Variants in RNF40 observed in about 807,000 individuals in gnomAD.
RNF40 encodes the protein E3 ubiquitin-protein ligase BRE1B.
In RNF40, 39 loss-of-function variants were observed where a neutral mutation model predicts 123.3. The ratio of observed to expected loss-of-function variants is 0.32; its 90% confidence interval spans 0.24 to 0.41. RNF40 has a LOEUF of 0.41. RNF40 is among the 10% of genes least tolerant of loss of function. RNF40 has a pLI of 1.00. For missense variants in RNF40, 1,003 were observed against 1,319.9 expected, an observed-to-expected ratio of 0.76 and a Z score of 3.72; for synonymous variants, 538 against 526.0, an observed-to-expected ratio of 1.02 and a Z score of -0.31.
chr16:30,768,979 A>G lies in RNF40; in HGVS notation c.2239A>G (p.Thr747Ala), dbSNP rs1355641065. The G allele has an allele frequency of 4.3e-6, 7 of 1,613,776 alleles. No individual in the cohort carries two copies. Among genetic ancestry groups the G allele is most frequent in the Non-Finnish European group, 5.9e-6 (7 of 1,180,016 alleles). Residue 747 changes from threonine (T) to alanine (A), a missense_variant, in exon 15 of 20, where the codon ACC (threonine) becomes GCC (alanine). Physicochemically the swap from Thr to Ala is moderately conservative, Grantham distance 58. Coordinates refer to ENST00000324685, the MANE Select transcript of RNF40 (RefSeq NM_014771.4). The surrounding 1 kb of genome is among the most constrained non-coding windows in gnomAD (Gnocchi z 4.1). ...ACACCTGCAGCGCAAGCTGGGTGCCACCAAGCAGGTGCGGCCCATGTGGTG... is the reference window on the plus strand; with the variant it reads ...ACACCTGCAGCGCAAGCTGGGTGCCGCCAAGCAGGTGCGGCCCATGTGGTG... ...IEHLQRKLGA[T>A]KQEEEALLSE...
At chr16:30,769,835 C>T (rs2054115019) in intron 17 of RNF40, among the ~76,000 whole-genome samples, 5 of 152,162 alleles carry the variant, frequency 3.3e-5, no homozygotes, top group South Asian at 4.1e-4. Context: ...TGGTGGCTCA[C>T]GTCTGTGATC....
chr16:30,764,188 T>C lies in RNF40; in HGVS notation c.452T>C (p.Leu151Pro), dbSNP rs2053982479. ...TGTCCATTCCTTCCAGACCCCTTGC[T>C]GATGCAGCTGCGGCCCCCTCTCAGT... is the stretch of plus-strand genomic sequence containing the variant. ...PGTSELRDPL[L>P]MQLRPPLSEP... Residue 151 changes from leucine to proline, a missense_variant, in exon 5 of 20, where the codon CTG (leucine) becomes CCG (proline). Physicochemically the swap from Leu to Pro is moderately conservative, Grantham distance 98 (BLOSUM62 -3). Coordinates refer to ENST00000324685, the MANE Select transcript of RNF40 (RefSeq NM_014771.4). The C allele has an allele frequency of 6.2e-7, 1 of 1,609,014 alleles. No homozygotes were observed. Among genetic ancestry groups the C allele is most frequent in the Non-Finnish European group, 8.5e-7 (1 of 1,177,496 alleles).
In RNF40 at chr16:30,762,499, G is replaced by C; in HGVS notation, c.-47G>C. ...GGTGACGGAAGTACCGCCTCCTCCC[G>C]TTTGACGCCCCTCAGGGGACCCTGC... On this transcript the variant is annotated 5_prime_UTR_variant, in exon 2 of 20. Transcript: ENST00000324685. The C allele has an allele frequency of 6.5e-7, 1 of 1,539,178 alleles. No individual in the cohort carries two copies.
intron 11 of RNF40, among the ~76,000 whole-genome samples, chr16:30,767,145 T>TA (rs892451906): frequency 6.6e-6 from 1 of 152,208 alleles, no homozygotes; most frequent in Non-Finnish European, 1.5e-5. Context: ...GTCTCTCAGA[T>TA]ACTTGTGTTA....
intron 19 of RNF40, 79 bp from the exon 20 acceptor site, chr16:30,773,859 C>T: frequency 6.8e-7 from 1 of 1,468,042 alleles, no homozygotes. Context: ...GTGGGCTTGG[C>T]CTGGACTCCT....
rs542846699 is a variant in RNF40, at chr16:30,768,922, C to T, written c.2182C>T (p.Arg728Trp). 14 of 1,614,028 alleles carry T rather than the reference C, an allele frequency of 8.7e-6. No homozygotes were observed. The highest frequency in any genetic ancestry group is 3.3e-5 in the South Asian group (3 of 91,092). Residue 728 changes from arginine (R) to tryptophan (W), a missense_variant, in exon 15 of 20, where the codon CGG (arginine) becomes TGG (tryptophan). Arg to Trp is a moderately radical substitution (Grantham distance 101). Transcript: ENST00000324685. The surrounding 1 kb of genome is among the most constrained non-coding windows in gnomAD (Gnocchi z 4.1). ...GAAGATCGCGGATGAGGATGCCCTG[C>T]GGCGCATTCGGCAGGCAGAGGAGCA... ...SKKIADEDAL[R>W]RIRQAEEQIE...
Position 30,774,467 on chromosome 16 carries a change from T to C in RNF40, c.*353T>C. Reference sequence around the variant, plus strand: ...TAACCCTAAGGAAAATTCCCCAGGCTGTGATCTACCCTAGAGAAGGCTCGC... The same window carrying C: ...TAACCCTAAGGAAAATTCCCCAGGCCGTGATCTACCCTAGAGAAGGCTCGC... On this transcript the variant is annotated 3_prime_UTR_variant, in exon 20 of 20. Transcript: ENST00000324685. 1 of 239,318 alleles carries C rather than the reference T, an allele frequency of 4.2e-6. No individual in the cohort carries two copies. The highest frequency in any genetic ancestry group is 9.8e-5 in the East Asian group (1 of 10,186). The allele number at this position is 239,318 out of a possible 1,614,324, so 14.8% of individuals were successfully genotyped here.
chr16:30,762,287 G>GC (rs2053859260), upstream of RNF40: 4 of 475,808 alleles, frequency 8.4e-6, no homozygotes, highest in South Asian at 9.7e-5. Context: ...TGGGGGGGGG[G>GC]CAGTGGCGTC....
chr16:30,772,842 G>T (rs2054171348), intron 19 of RNF40, among the ~76,000 whole-genome samples: 1 of 152,172 alleles, frequency 6.6e-6, no homozygotes, highest in African/African-American at 2.4e-5. Context: ...TAGACTGGAG[G>T]CAGGGAAATT....
chr16:30,764,153 C>T (rs2053979511), intron 4 of RNF40, 26 bp from the exon 5 acceptor site: 3 of 1,583,504 alleles, frequency 1.9e-6, no homozygotes, highest in African/African-American at 2.7e-5. Context: ...CTCTTATCCT[C>T]ATGAGGGTCT....
At chr16:30,763,049 TTC>T in intron 2 of RNF40, 67 bp from the exon 3 acceptor site, 3 of 1,570,922 alleles carry the variant, frequency 1.9e-6, no homozygotes, top group Non-Finnish European at 2.6e-6. Flanking sequence ...CTGCTCCTCT[TTC>T]TCTCTCTGTG....
chr16:30,771,507 C>T (rs1338077614), intron 17 of RNF40, among the ~76,000 whole-genome samples: 1 of 152,042 alleles, frequency 6.6e-6, no homozygotes, highest in Non-Finnish European at 1.5e-5. Flanking sequence ...GTCCCAGCTA[C>T]TCGGGAGGCT....
At position 30,766,835 on chromosome 16, in the gene RNF40, G is replaced by A. The variant is rs11556801; in HGVS notation, c.1388G>A (p.Arg463His). 2.5e-6 allele frequency: 4 copies of A among 1,613,908 alleles called. No homozygotes were observed. The highest frequency in any genetic ancestry group is 3.4e-6 in the Non-Finnish European group (4 of 1,179,998). The change falls in exon 11 of 20, where the codon CGC (arginine) becomes CAC (histidine). Residue 463 changes from arginine to histidine, a missense_variant. Physicochemically the swap from Arg to His is conservative, Grantham distance 29. Around this residue, in one of 11 missense-constraint regions of RNF40, gnomAD observed 30 missense variants for 68.9 expected, o/e 0.44. Coordinates refer to ENST00000324685, the MANE Select transcript of RNF40 (RefSeq NM_014771.4). This position sits in a 1 kb window ranked among gnomAD's most constrained non-coding sequence, Gnocchi z 5.4. ...AQVRKEYEMLRIEFEQNLAAN... is the reference protein window; with the variant it reads ...AQVRKEYEMLHIEFEQNLAAN... ...GTACGCAAGGAGTATGAGATGCTGC[G>A]CATCGAGTTTGAGCAGAATCTGGCG...
chr16:30,765,496 G>T lies in RNF40; in HGVS notation c.990G>T (p.Gln330His). ...FQGGQITLSM[Q>H]KFEMLNAELE... is the part of the protein sequence containing the mutation. Reference sequence around the variant, plus strand: ...GGGGCCAGATCACACTCAGCATGCAGAAGGTGAGCGGCGTTTTCCTCCCAC... The same window carrying T: ...GGGGCCAGATCACACTCAGCATGCATAAGGTGAGCGGCGTTTTCCTCCCAC... Residue 330 changes from glutamine to histidine, a missense_variant, in exon 8 of 20, where the codon CAG (glutamine) becomes CAT (histidine). Gln to His is a conservative substitution (Grantham distance 24). Transcript: ENST00000324685. 2.5e-6 allele frequency: 4 copies of T among 1,613,940 alleles called. No homozygotes were observed. The highest frequency in any genetic ancestry group is 3.4e-6 in the Non-Finnish European group (4 of 1,179,934).
At position 30,766,351 on chromosome 16, in the gene RNF40, T is replaced by C. The variant is rs370388241; in HGVS notation, c.1114-28T>C. On this transcript the variant is annotated intron_variant, in intron 9 of 19. Transcript: ENST00000324685. The surrounding 1 kb of genome is among the most constrained non-coding windows in gnomAD (Gnocchi z 5.4). ...GGGACTGAGCCCTGAATCCTGTTGC[T>C]GATCCCATTTGGGCATCCCTGCCCC... 279 of 1,612,332 alleles carry C rather than the reference T, an allele frequency of 1.7e-4. 1 individual carries two copies. The African/African-American group carries it at 3.3e-3, about 19-fold the overall frequency.
In RNF40 at chr16:30,772,064, C is replaced by T. The variant is rs754446841; in HGVS notation, c.2728-25C>T. The T allele has an allele frequency of 4.5e-5, 70 of 1,571,778 alleles. No individual in the cohort carries two copies. The African/African-American group carries it at 9.2e-4, about 21-fold the overall frequency. ...CGGCTCAAGGTTGAGGACCCTTGCC[C>T]TTAGCCAGGCCTCTCCTGCCCCAGG... On this transcript the variant is annotated intron_variant, in intron 18 of 19. Coordinates refer to ENST00000324685, the MANE Select transcript of RNF40 (RefSeq NM_014771.4).
At chr16:30,761,779 C>T, upstream of RNF40, 1 of 1,496,618 alleles carries the variant, frequency 6.7e-7, no homozygotes, top group East Asian at 2.5e-5. Flanking sequence ...CGAGGCGCCC[C>T]GGGCTCCCGC....
Position 30,771,950 on chromosome 16 carries a change from A to G in RNF40, c.2704A>G (p.Ser902Gly). 6.3e-7 allele frequency: 1 copy of G among 1,599,076 alleles called. No homozygotes were observed. The highest frequency in any genetic ancestry group is 8.5e-7 in the Non-Finnish European group (1 of 1,170,772). The change falls in exon 18 of 20, where the codon AGC (serine) becomes GGC (glycine). Residue 902 changes from serine (S) to glycine (G), a missense_variant. Ser to Gly is a moderately conservative substitution (Grantham distance 56). Coordinates refer to ENST00000324685, the MANE Select transcript of RNF40 (RefSeq NM_014771.4). Reference sequence around the variant, plus strand: ...GAGCCGGGCTGCTCGTGAGAAAGAGAGCTTCAACCTCAAGAGGGCTCAGGT... The same window carrying G: ...GAGCCGGGCTGCTCGTGAGAAAGAGGGCTTCAACCTCAAGAGGGCTCAGGT... ...AESRAAREKE[S>G]FNLKRAQEDI...
chr16:30,762,243 G>C, upstream of RNF40: 1 of 411,272 alleles, frequency 2.4e-6, no homozygotes, highest in Non-Finnish European at 4.3e-6. Context: ...CTCACATCCG[G>C]GGCTGCCTTT....
Sources: gnomAD v4.1 joint callset for allele counts (sites outside exome capture counted in the v4.1 genomes callset) on GRCh38, gnomAD v4.1.1 for gene constraint, gnomAD v4.1.1 regional missense constraint, Gnocchi (gnomAD v3.1) non-coding constraint, MANE v1.5 for transcripts, NCBI Gene and HGNC (gene_info 2026-07-23, HGNC 2026-07-21) for gene names.